Variants in DAZAP1 observed in about 807,000 individuals in gnomAD.
The protein encoded by DAZAP1 is DAZ-associated protein 1.
A neutral mutation model predicts 60.1 loss-of-function variants in DAZAP1; 6 were observed. That is an observed-to-expected ratio of 0.10 (90% CI 0.05 to 0.20). The LOEUF is 0.20. Ranked by LOEUF, DAZAP1 falls within the 10% of genes least tolerant of loss-of-function variation. DAZAP1 has a pLI of 1.00. For missense variants in DAZAP1, 366 were observed against 560.4 expected (o/e 0.65, Z 3.50); for synonymous variants, 235 against 215.9 (o/e 1.09, Z -0.78).
At chr19:1,412,934 C>G (rs548608700) in intron 1 of DAZAP1, among the ~76,000 whole-genome samples, 1 of 152,200 alleles carries the variant, frequency 6.6e-6, no homozygotes, top group Non-Finnish European at 1.5e-5. Context: ...ACGCCTCCCC[C>G]ACTAATGAGA....
At chr19:1,414,323 G>A (rs1035863500) in intron 1 of DAZAP1, among the ~76,000 whole-genome samples, 4 of 152,196 alleles carry the variant, frequency 2.6e-5, no homozygotes, top group African/African-American at 9.7e-5. Context: ...CATCCCCACT[G>A]TGTGTGTTTC....
chr19:1,429,389 G>A (rs2083385281), intron 8 of DAZAP1, among the ~76,000 whole-genome samples: 1 of 152,204 alleles, frequency 6.6e-6, no homozygotes, highest in Middle Eastern at 3.2e-3. Flanking sequence ...GCAGGCTTTG[G>A]ATCCTTGCCA....
At chr19:1,410,481 C>T (rs2082796205) in intron 1 of DAZAP1, among the ~76,000 whole-genome samples, 1 of 152,208 alleles carries the variant, frequency 6.6e-6, no homozygotes, top group Non-Finnish European at 1.5e-5. Context: ...GCCTGGAGCG[C>T]TCAGAGCACG....
At chr19:1,410,132 C>T (rs1256984121) in intron 1 of DAZAP1, 4 of 152,296 alleles carry the variant, frequency 2.6e-5, no homozygotes, top group South Asian at 2.1e-4. Context: ...TCTGAGAAGT[C>T]GTCCCAAGTT....
chr19:1,414,791 T>A (rs953998150), intron 1 of DAZAP1, among the ~76,000 whole-genome samples: 3 of 152,062 alleles, frequency 2.0e-5, no homozygotes, highest in Non-Finnish European at 4.4e-5. Flanking sequence ...GAGTATTTTT[T>A]ATTTTTTTAA....
Position 1,430,348 on chromosome 19 carries a change from C to T in DAZAP1, c.857C>T (p.Ala286Val), listed in dbSNP as rs1288556949. 6.8e-7 allele frequency: 1 copy of T among 1,475,352 alleles called. No homozygotes were observed. Among genetic ancestry groups the T allele is most frequent in the African/African-American group, 1.4e-5 (1 of 69,586 alleles). The allele number at this position is 1,475,352 out of a possible 1,614,324, so 91.4% of individuals were successfully genotyped here. The stretch of plus-strand genomic sequence containing the variant: ...CAGGGCTTCCCTCAGGGCTACGGTG[C>T]CCCGCCACAGTTCAGTAAGTCTAGG... ...PPQGFPQGYGAPPQFSFGYGP... is the reference protein window; with the variant it reads ...PPQGFPQGYGVPPQFSFGYGP... Residue 286 changes from alanine (A) to valine (V), a missense_variant, in exon 10 of 12, where the codon GCC (alanine) becomes GTC (valine). By Grantham distance (64) the Ala-to-Val change is moderately conservative. Coordinates refer to ENST00000233078, the MANE Select transcript of DAZAP1 (RefSeq NM_018959.4).
chr19:1,421,017 T>G, intron 4 of DAZAP1, 131 bp from the exon 5 acceptor site: 1 of 718,626 alleles, frequency 1.4e-6, no homozygotes, highest in Non-Finnish European at 2.4e-6. Context: ...TTAGCGGGCT[T>G]GTGGAGTGTT....
intron 1 of DAZAP1, among the ~76,000 whole-genome samples, chr19:1,415,353 ATGTGTGTGTGTGTGTGTGTGTG>A (rs61360796): frequency 9.1e-6 from 1 of 109,374 alleles, no homozygotes; most frequent in Non-Finnish European, 1.7e-5. Context: ...TCAGGGTTTT[ATGTGTGTGTGTGTGTGTGTGTG>A]TGTGTGTGTG....
At chr19:1,411,929 A>G (rs2082842743) in intron 1 of DAZAP1, among the ~76,000 whole-genome samples, 1 of 152,218 alleles carries the variant, frequency 6.6e-6, no homozygotes, top group Admixed American at 6.5e-5. Context: ...CCGTGACACC[A>G]TGTCATGATG....
chr19:1,421,032 T>C (rs756135491), intron 4 of DAZAP1, 116 bp from the exon 5 acceptor site: 10 of 845,518 alleles, frequency 1.2e-5, no homozygotes, highest in Admixed American at 1.9e-5. Context: ...AGTGTTCTGC[T>C]CTGGCTTTCA....
In DAZAP1 at chr19:1,430,287, A is replaced by G; in HGVS notation, c.796A>G (p.Ile266Val). 6.7e-7 allele frequency: 1 copy of G among 1,482,786 alleles called. No individual in the cohort carries two copies. Among genetic ancestry groups the G allele is most frequent in the Non-Finnish European group, 9.2e-7 (1 of 1,089,694 alleles). The allele number at this position is 1,482,786 out of a possible 1,614,324, so 91.9% of individuals were successfully genotyped here. The change falls in exon 10 of 12, where the codon ATC becomes GTC. Residue 266 changes from isoleucine to valine, a missense_variant. By Grantham distance (29) the Ile-to-Val change is conservative. Transcript: ENST00000233078. ...PPPPPPFTSY[I>V]VSTPPGGFPP... The stretch of plus-strand genomic sequence containing the variant: ...GCCACCCCCACCGTTCACCTCCTAC[A>G]TCGTGTCCACCCCTCCTGGAGGCTT...
chr19:1,428,664 A>T lies in DAZAP1; in HGVS notation c.547-178A>T. On this transcript the variant is annotated intron_variant, in intron 7 of 11. Coordinates refer to ENST00000233078, the MANE Select transcript of DAZAP1 (RefSeq NM_018959.4). This position sits in a 1 kb window ranked among gnomAD's most constrained non-coding sequence, Gnocchi z 4.0. The stretch of plus-strand genomic sequence containing the variant: ...AACATTTTTTAAACAAAAAAATTCA[A>T]CACAAAAGAATTTTTTAAGAAAAAA... 1.3e-6 allele frequency: 1 copy of T among 789,772 alleles called. No homozygotes were observed. The highest frequency in any genetic ancestry group is 1.9e-6 in the Non-Finnish European group (1 of 512,868). 48.9% of individuals were successfully genotyped at this position (789,772 alleles called of 1,614,324 possible). A position where few individuals can be genotyped will look rare whatever the true frequency, so the allele number is the denominator to read the frequency against.
In DAZAP1 at chr19:1,434,632, G is replaced by A. The variant is rs907350858; in HGVS notation, c.1049-105G>A. 3.1e-4 allele frequency: 396 copies of A among 1,274,406 alleles called. 1 individual carries two copies. Among genetic ancestry groups the A allele is most frequent in the African/African-American group, 7.5e-5 (5 of 66,316 alleles). 78.9% of individuals were successfully genotyped at this position (1,274,406 alleles called of 1,614,324 possible). A position where few individuals can be genotyped will look rare whatever the true frequency, so the allele number is the denominator to read the frequency against. ...GCCCCACCCGCACCCCGTGGGACCC[G>A]TGGACTCAAGGCAGGCTCGGCGGAG... On this transcript the variant is annotated intron_variant, in intron 11 of 11. Coordinates refer to ENST00000233078, the MANE Select transcript of DAZAP1 (RefSeq NM_018959.4). This position sits in a 1 kb window ranked among gnomAD's most constrained non-coding sequence, Gnocchi z 8.0.
chr19:1,408,477 C>G (rs2082729110), intron 1 of DAZAP1, among the ~76,000 whole-genome samples: 1 of 152,242 alleles, frequency 6.6e-6, no homozygotes, highest in South Asian at 2.1e-4. Flanking sequence ...GGCGAGGGTT[C>G]CGGTTCTGCC....
intron 4 of DAZAP1, among the ~76,000 whole-genome samples, chr19:1,420,889 A>G (rs545633288): frequency 1.1e-4 from 17 of 152,336 alleles, no homozygotes; most frequent in Admixed American, 5.2e-4. Flanking sequence ...CAAGGCACGC[A>G]CTGTGTCGTG....
At chr19:1,412,816 G>C (rs1350124823) in intron 1 of DAZAP1, among the ~76,000 whole-genome samples, 2 of 152,254 alleles carry the variant, frequency 1.3e-5, no homozygotes, top group African/African-American at 4.8e-5. Flanking sequence ...TCGAGCTGCA[G>C]GCCCTGGGTG....
Position 1,432,894 on chromosome 19 carries a change from G to A in DAZAP1, c.1048+204G>A, listed in dbSNP as rs931955100. On this transcript the variant is annotated intron_variant, in intron 11 of 11. Transcript: ENST00000233078. This position sits in a 1 kb window ranked among gnomAD's most constrained non-coding sequence, Gnocchi z 4.9. The stretch of plus-strand genomic sequence containing the variant: ...CAGAAGGGAGCGTGGGAGTCTTGTC[G>A]CAGCAGAGCACTCGTCATACAGCAG... 4 of 594,944 alleles carry A rather than the reference G, an allele frequency of 6.7e-6. No individual in the cohort carries two copies. The highest frequency in any genetic ancestry group is 1.9e-5 in the African/African-American group (1 of 53,598). The allele number at this position is 594,944 out of a possible 1,614,324, so 36.9% of individuals were successfully genotyped here. A position where few individuals can be genotyped will look rare whatever the true frequency, so the allele number is the denominator to read the frequency against.
Position 1,418,794 on chromosome 19 carries a change from T to A in DAZAP1, c.303+63T>A. 8.7e-6 allele frequency: 13 copies of A among 1,493,266 alleles called. No individual in the cohort carries two copies. The highest frequency in any genetic ancestry group is 1.2e-5 in the Non-Finnish European group (13 of 1,104,416). The allele number at this position is 1,493,266 out of a possible 1,614,324, so 92.5% of individuals were successfully genotyped here. A position where few individuals can be genotyped will look rare whatever the true frequency, so the allele number is the denominator to read the frequency against. ...CCACTCCACGTGGAAAGGAAATGCG[T>A]GCCTTCAATCTGCTGTTGTCGCTCG... On this transcript the variant is annotated intron_variant, in intron 4 of 11. Coordinates refer to ENST00000233078, the MANE Select transcript of DAZAP1 (RefSeq NM_018959.4). This position sits in a 1 kb window ranked among gnomAD's most constrained non-coding sequence, Gnocchi z 5.7.
intron 10 of DAZAP1, among the ~76,000 whole-genome samples, chr19:1,431,625 C>T (rs944256474): frequency 2.6e-5 from 4 of 152,162 alleles, no homozygotes; most frequent in African/African-American, 9.7e-5. Flanking sequence ...GAACAGGTTT[C>T]ACTATGTTGG....
Sources: gnomAD v4.1 joint callset for allele counts (sites outside exome capture counted in the v4.1 genomes callset) on GRCh38, gnomAD v4.1.1 for gene constraint, Gnocchi (gnomAD v3.1) non-coding constraint, MANE v1.5 for transcripts, NCBI Gene and HGNC (gene_info 2026-07-23, HGNC 2026-07-21) for gene names.